The following ERBIN variants were observed in gnomAD, a reference collection of about 807,000 sequenced individuals.
ERBIN encodes the protein erbb2 interacting protein.
In ERBIN, 60 loss-of-function variants were observed where a neutral mutation model predicts 158.4. The ratio of observed to expected loss-of-function variants is 0.38; its 90% confidence interval spans 0.31 to 0.47. ERBIN has a LOEUF of 0.47. Among genes scored for constraint, ERBIN ranks in the 20% least tolerant of loss-of-function variants. ERBIN has a pLI of 0.99. For missense variants in ERBIN, 1,610 were observed against 1,648.0 expected (o/e 0.98, Z 0.40); for synonymous variants, 594 against 557.2 (o/e 1.07, Z -0.93).
At chr5:66,072,361 T>A in intron 22 of ERBIN, 70 bp downstream of exon 22, 1 of 1,454,324 alleles carries the variant, frequency 6.9e-7, no homozygotes, top group Non-Finnish European at 9.2e-7. Context: ...GGACTAGATA[T>A]TATATGTGCT....
At chr5:66,008,014 A>G (rs1294606024) in intron 4 of ERBIN, among the ~76,000 whole-genome samples, 2 of 152,234 alleles carry the variant, frequency 1.3e-5, no homozygotes, top group African/African-American at 2.4e-5. Flanking sequence ...AATTACTACT[A>G]TGTGTCTGAA....
chr5:65,958,531 G>GA (rs1747534269), intron 1 of ERBIN, among the ~76,000 whole-genome samples: 1 of 152,144 alleles, frequency 6.6e-6, no homozygotes, highest in Non-Finnish European at 1.5e-5. Context: ...TGAGGCAGGA[G>GA]AATCAGGCAG....
intron 1 of ERBIN, among the ~76,000 whole-genome samples, chr5:65,939,496 T>C (rs1744516060): frequency 6.6e-6 from 1 of 151,192 alleles, no homozygotes; most frequent in African/African-American, 2.4e-5. Context: ...CCAAGAGAGG[T>C]GCCTCCGCTC....
At position 66,053,570 on chromosome 5, in the gene ERBIN, C is replaced by T. The variant is rs1347576433; in HGVS notation, c.2252C>T (p.Thr751Ile). ...CTAATTGAGAAAAGTGTTGACTCAACAGCCACAGCTGATGACACTCACAAA... is the reference window on the plus strand; with the variant it reads ...CTAATTGAGAAAAGTGTTGACTCAATAGCCACAGCTGATGACACTCACAAA... ...LVLIEKSVDS[T>I]ATADDTHKLD... The change falls in exon 21 of 26, where the codon ACA (threonine) becomes ATA (isoleucine). Residue 751 changes from threonine to isoleucine, a missense_variant. This residue lies in a region of ERBIN where 1,014 missense variants were observed against 936.1 expected (regional missense o/e 1.08). Transcript: ENST00000284037. The T allele has an allele frequency of 6.2e-7, 1 of 1,610,742 alleles. No individual in the cohort carries two copies. The highest frequency in any genetic ancestry group is 8.5e-7 in the Non-Finnish European group (1 of 1,179,110).
At chr5:66,027,485 A>C (rs1202724966) in intron 13 of ERBIN, among the ~76,000 whole-genome samples, 1 of 152,030 alleles carries the variant, frequency 6.6e-6, no homozygotes, top group Non-Finnish European at 1.5e-5. Flanking sequence ...TGGGTTCTGC[A>C]AGTGTGGATT....
At chr5:66,025,081 GT>G (rs1756093631) in intron 10 of ERBIN, among the ~76,000 whole-genome samples, 1 of 151,982 alleles carries the variant, frequency 6.6e-6, no homozygotes, top group Non-Finnish European at 1.5e-5. Context: ...ATATGGAATA[GT>G]TTTTTATATA....
At chr5:66,048,626 C>G in intron 18 of ERBIN, 41 bp from the exon 19 acceptor site, 1 of 1,183,752 alleles carries the variant, frequency 8.4e-7, no homozygotes, top group Non-Finnish European at 1.2e-6. Context: ...TTTAAAGAAA[C>G]AAAAATTTAA....
At chr5:66,067,432 A>G (rs943889349) in intron 21 of ERBIN, among the ~76,000 whole-genome samples, 1 of 152,228 alleles carries the variant, frequency 6.6e-6, no homozygotes, top group Non-Finnish European at 1.5e-5. Flanking sequence ...TTGACCATTA[A>G]GCCCTCAGCA....
At chr5:66,049,061 C>G (rs1758761052) in intron 19 of ERBIN, among the ~76,000 whole-genome samples, 2 of 151,896 alleles carry the variant, frequency 1.3e-5, no homozygotes, top group Non-Finnish European at 2.9e-5. Flanking sequence ...GCTGTGTAAT[C>G]CTTGAGTTAA....
intron 1 of ERBIN, among the ~76,000 whole-genome samples, chr5:65,946,786 A>AC (rs1745811358): frequency 7.1e-6 from 1 of 140,862 alleles, no homozygotes; most frequent in African/African-American, 2.8e-5. Context: ...ATTGGTTGTT[A>AC]CTTTTTTTTT....
At chr5:66,049,831 A>T (rs1199198996) in intron 19 of ERBIN, among the ~76,000 whole-genome samples, 1 of 152,158 alleles carries the variant, frequency 6.6e-6, no homozygotes, top group Non-Finnish European at 1.5e-5. Context: ...ACTACTTGTT[A>T]TACTACCTAT....
intron 1 of ERBIN, among the ~76,000 whole-genome samples, chr5:65,975,737 A>G (rs994339393): frequency 6.6e-6 from 1 of 152,246 alleles, no homozygotes; most frequent in Non-Finnish European, 1.5e-5. Flanking sequence ...AACTTGTTTG[A>G]GGAATTTTTC....
At chr5:66,034,331 C>T (rs1373250213) in intron 14 of ERBIN, among the ~76,000 whole-genome samples, 1 of 151,814 alleles carries the variant, frequency 6.6e-6, no homozygotes, top group Non-Finnish European at 1.5e-5. Context: ...ACTCTGTCGC[C>T]CAGGCTGGGG....
chr5:65,959,394 CTT>C (rs572515277), intron 1 of ERBIN, among the ~76,000 whole-genome samples: 166 of 152,036 alleles, frequency 1.1e-3, no homozygotes, highest in Middle Eastern at 0.01. Flanking sequence ...AATTTTATAA[CTT>C]TTAAAAACAC....
At chr5:65,945,751 AAT>A (rs1335840983) in intron 1 of ERBIN, among the ~76,000 whole-genome samples, 2 of 152,224 alleles carry the variant, frequency 1.3e-5, no homozygotes, top group South Asian at 2.1e-4. Context: ...CCAGTTTATA[AAT>A]ATGTTTCACT....
intron 20 of ERBIN, among the ~76,000 whole-genome samples, chr5:66,051,827 G>A (rs1306161891): frequency 1.1e-4 from 16 of 150,910 alleles, no homozygotes; most frequent in Admixed American, 3.9e-4. Context: ...CCCAGGAGGC[G>A]GAAGTTGCAG....
chr5:65,993,671 A>C (rs900066302), intron 3 of ERBIN, among the ~76,000 whole-genome samples: 5 of 152,170 alleles, frequency 3.3e-5, no homozygotes, highest in Non-Finnish European at 7.4e-5. Flanking sequence ...CCGTGCGTGG[A>C]GACCCATTGG....
At chr5:65,963,771 T>A (rs1382897680) in intron 1 of ERBIN, among the ~76,000 whole-genome samples, 7 of 150,058 alleles carry the variant, frequency 4.7e-5, no homozygotes, top group African/African-American at 1.7e-4. Context: ...GCGTTTTTGG[T>A]ATGACTATTT....
Position 66,076,962 on chromosome 5 carries a change from A to AAT in ERBIN, c.4131+14_4131+15dup. On this transcript the variant is annotated intron_variant, in intron 25 of 25. Coordinates refer to ENST00000284037, the MANE Select transcript of ERBIN (RefSeq NM_001253697.2). The stretch of plus-strand genomic sequence containing the variant: ...TAAAATTATTCAGGTAATTAAAATA[A>AAT]ATCTTTTTTTTTTTCATTTTATAAC... 1 of 1,543,524 alleles carries AAT rather than the reference A, an allele frequency of 6.5e-7. No individual in the cohort carries two copies. The highest frequency in any genetic ancestry group is 8.8e-7 in the Non-Finnish European group (1 of 1,133,230).
Sources: allele counts gnomAD v4.1 joint callset (sites outside exome capture counted in the v4.1 genomes callset), GRCh38; gene constraint gnomAD v4.1.1; regional missense constraint gnomAD v4.1.1; transcripts MANE v1.5; gene names NCBI Gene and HGNC (gene_info 2026-07-23, HGNC 2026-07-21).